Variants in NR3C1 observed in about 807,000 individuals in gnomAD.
NR3C1 encodes the protein glucocorticoid receptor.
A neutral mutation model predicts 74.0 loss-of-function variants in NR3C1; 14 were observed. That is an observed-to-expected ratio of 0.19 (90% CI 0.12 to 0.30). The LOEUF (loss-of-function observed/expected upper bound fraction) is 0.30. Among genes scored for constraint, NR3C1 ranks in the 10% least tolerant of loss-of-function variants. NR3C1 has a pLI of 1.00. For synonymous variants in NR3C1, 308 were observed against 332.5 expected, an observed-to-expected ratio of 0.93 and a Z score of 0.80; for missense variants, 695 against 909.8, an observed-to-expected ratio of 0.76 and a Z score of 3.04.
chr5:143,348,694 T>C (rs1345442055), intron 2 of NR3C1, among the ~76,000 whole-genome samples: 1 of 152,162 alleles, frequency 6.6e-6, no homozygotes. Context: ...ATGATGTACC[T>C]TACGAAGAAA....
chr5:143,392,259 C>T (rs1224747907), intron 2 of NR3C1, among the ~76,000 whole-genome samples: 2 of 152,214 alleles, frequency 1.3e-5, no homozygotes, highest in Non-Finnish European at 2.9e-5. Context: ...GCCACCGCGC[C>T]TGGCCTAATG....
intron 2 of NR3C1, among the ~76,000 whole-genome samples, chr5:143,323,070 ATAAT>A (rs950263513): frequency 2.0e-4 from 31 of 152,336 alleles, no homozygotes; most frequent in African/African-American, 2.6e-4. Flanking sequence ...AATTCCAGAA[ATAAT>A]TAATAAGTTT....
intron 2 of NR3C1, among the ~76,000 whole-genome samples, chr5:143,391,613 T>A (rs189802644): frequency 3.3e-5 from 5 of 152,318 alleles, no homozygotes; most frequent in Non-Finnish European, 7.3e-5. Flanking sequence ...TCACTATGGC[T>A]ATTATGTAGA....
rs1833649455 is a variant in NR3C1 at position 143,368,449 on chromosome 5, G to A, written c.1184+31207C>T. 7.3e-5 allele frequency among the ~76,000 whole-genome samples: 11 copies of A among 151,318 alleles called. No homozygotes were observed. In the South Asian group the frequency reaches 2.3e-3, roughly 32 times the overall value. On this transcript the variant is annotated intron_variant, in intron 2 of 8. Coordinates refer to ENST00000394464, the MANE Select transcript of NR3C1 (RefSeq NM_000176.3). ...AAGTGAAAAGATGGCCTTTTAAATG[G>A]GAGAAATTGTCCTCAAATTATATAT...
intron 2 of NR3C1, among the ~76,000 whole-genome samples, chr5:143,337,515 G>C (rs1376968012): frequency 2.6e-5 from 4 of 152,174 alleles, no homozygotes; most frequent in Non-Finnish European, 5.9e-5. Flanking sequence ...TGCATATACA[G>C]TAAAATGTGT....
At chr5:143,374,847 G>T (rs925478267) in intron 2 of NR3C1, among the ~76,000 whole-genome samples, 10 of 152,100 alleles carry the variant, frequency 6.6e-5, no homozygotes, top group Non-Finnish European at 4.4e-5. Context: ...TTTAAGAGAA[G>T]TAATTTGTAT....
At chr5:143,365,475 T>C (rs1434361097) in intron 2 of NR3C1, among the ~76,000 whole-genome samples, 22 of 152,190 alleles carry the variant, frequency 1.4e-4, no homozygotes, top group Non-Finnish European at 1.5e-5. Flanking sequence ...GAAGATATAA[T>C]AATCATAAAC....
At chr5:143,310,974 C>CAAAT (rs1820807942) in intron 3 of NR3C1, among the ~76,000 whole-genome samples, 1 of 152,166 alleles carries the variant, frequency 6.6e-6, no homozygotes, top group African/African-American at 2.4e-5. Flanking sequence ...GTGTTTTAAA[C>CAAAT]AAATAATAGT....
chr5:143,369,921 TCA>T (rs1356691295), intron 2 of NR3C1, among the ~76,000 whole-genome samples: 2 of 152,230 alleles, frequency 1.3e-5, no homozygotes, highest in African/African-American at 4.8e-5. Flanking sequence ...GAAGGAGTAT[TCA>T]GTTATCAGTC....
intron 1 of NR3C1, chr5:143,434,500 A>G (rs1323607143): frequency 3.1e-6 from 3 of 977,484 alleles, no homozygotes; most frequent in Non-Finnish European, 3.6e-6. Context: ...CACTTTACCC[A>G]GCTATAGAAT....
intron 4 of NR3C1, among the ~76,000 whole-genome samples, chr5:143,307,770 A>G (rs1192869489): frequency 6.6e-6 from 1 of 152,272 alleles, no homozygotes; most frequent in Non-Finnish European, 1.5e-5. Context: ...AAAGTATATT[A>G]CATACATAGG....
At chr5:143,303,298 C>T (rs1405786235) in intron 4 of NR3C1, among the ~76,000 whole-genome samples, 1 of 147,954 alleles carries the variant, frequency 6.8e-6, no homozygotes, top group Non-Finnish European at 1.5e-5. Flanking sequence ...TTTCAGCTGA[C>T]CCCCGTATAT....
At chr5:143,335,778 G>T (rs144904564) in intron 2 of NR3C1, among the ~76,000 whole-genome samples, 1 of 152,208 alleles carries the variant, frequency 6.6e-6, no homozygotes, top group Non-Finnish European at 1.5e-5. Context: ...CCCGTTATTG[G>T]TCATTCTTTG....
In NR3C1 at chr5:143,403,555, C is replaced by A; in HGVS notation, c.-358G>T. 5.1e-6 allele frequency: 5 copies of A among 985,846 alleles called. No individual in the cohort carries two copies. The highest frequency in any genetic ancestry group is 6.0e-6 in the Non-Finnish European group (5 of 830,320). The allele number at this position is 985,846 out of a possible 1,614,324, so 61.1% of individuals were successfully genotyped here. ...CGTCCCCGACGGGCAGGCGGTGACT[C>A]GGGCTCCCGTCACAGACACGAGCTC... On this transcript the variant is annotated 5_prime_UTR_variant, in exon 1 of 9. Coordinates refer to ENST00000394464, the MANE Select transcript of NR3C1 (RefSeq NM_000176.3).
intron 1 of NR3C1, among the ~76,000 whole-genome samples, chr5:143,427,498 T>C (rs1174710303): frequency 6.6e-6 from 1 of 152,152 alleles, no homozygotes; most frequent in African/African-American, 2.4e-5. Flanking sequence ...ACCTCAGCAG[T>C]GCCTCTTCCA....
chr5:143,398,541 T>TGG (rs1467323962), intron 2 of NR3C1, among the ~76,000 whole-genome samples: 1 of 152,010 alleles, frequency 6.6e-6, no homozygotes, highest in African/African-American at 2.4e-5. Context: ...AACTAGTTAA[T>TGG]GGGAACGATG....
intron 1 of NR3C1, among the ~76,000 whole-genome samples, chr5:143,429,979 G>A (rs1425953558): frequency 6.6e-6 from 1 of 151,944 alleles, no homozygotes; most frequent in Non-Finnish European, 1.5e-5. Context: ...TTACTCGGGA[G>A]GCTGAGGCAG....
chr5:143,314,361 G>A (rs1194448306), intron 2 of NR3C1, among the ~76,000 whole-genome samples, 193 bp from the exon 3 acceptor site: 1 of 150,802 alleles, frequency 6.6e-6, no homozygotes, highest in Non-Finnish European at 1.5e-5. Flanking sequence ...TTAAGAATGA[G>A]GTCATTTCTT....
intron 1 of NR3C1, among the ~76,000 whole-genome samples, chr5:143,431,915 T>G (rs1017925830): frequency 6.6e-6 from 1 of 152,184 alleles, no homozygotes; most frequent in Non-Finnish European, 1.5e-5. Context: ...AGCAATTACA[T>G]CCTCTGGCTT....
Sources: gnomAD v4.1 joint callset for allele counts (sites outside exome capture counted in the v4.1 genomes callset) on GRCh38, gnomAD v4.1.1 for gene constraint, MANE v1.5 for transcripts, NCBI Gene and HGNC (gene_info 2026-07-23, HGNC 2026-07-21) for gene names.